EPM2A: variants seen among roughly 807,000 people sequenced by gnomAD.
The protein encoded by EPM2A is laforin.
Under a neutral mutation model 26.5 loss-of-function variants are expected in EPM2A, and 21 were observed. The observed-to-expected ratio is 0.79, with a 90% CI of 0.56 to 1.14. The LOEUF (loss-of-function observed/expected upper bound fraction) is 1.14, where lower values mean the gene tolerates loss of function less well. Among genes scored for constraint, EPM2A ranks in the 50% most tolerant of loss-of-function variants. The pLI is 0.00. For synonymous variants in EPM2A, 217 were observed against 177.6 expected (o/e 1.22, Z -1.76); for missense variants, 458 against 440.8 (o/e 1.04, Z -0.35).
intron 4 of EPM2A, among the ~76,000 whole-genome samples, chr6:145,427,224 C>T (rs78929111): frequency 6.6e-6 from 1 of 152,116 alleles, no homozygotes; most frequent in Admixed American, 6.5e-5. Flanking sequence ...TTTTACAAAA[C>T]CAATGACTGA....
intron 2 of EPM2A, among the ~76,000 whole-genome samples, chr6:145,647,688 GAAGGGA>G (rs1217478975): frequency 2.4e-4 from 36 of 152,012 alleles, no homozygotes; most frequent in Non-Finnish European, 4.0e-4. Flanking sequence ...AGGAAGGAAG[GAAGGGA>G]AAGGGAAAGG....
At chr6:145,603,161 T>C (rs959116402) in intron 2 of EPM2A, among the ~76,000 whole-genome samples, 2 of 152,178 alleles carry the variant, frequency 1.3e-5, no homozygotes, top group Non-Finnish European at 2.9e-5. Flanking sequence ...CAGCATCTGC[T>C]GAGGTCGCCC....
chr6:145,704,731 G>A (rs897155967), intron 1 of EPM2A, among the ~76,000 whole-genome samples: 4 of 152,124 alleles, frequency 2.6e-5, no homozygotes, highest in African/African-American at 9.7e-5. Flanking sequence ...ATAAAACTGA[G>A]ACTCAAAGAT....
intron 1 of EPM2A, among the ~76,000 whole-genome samples, chr6:145,717,225 A>C (rs1366647694): frequency 6.6e-6 from 1 of 152,256 alleles, no homozygotes; most frequent in Non-Finnish European, 1.5e-5. Flanking sequence ...TCAATAAAAT[A>C]CTGGCAAACC....
At chr6:145,675,999 G>T (rs894225948) in intron 2 of EPM2A, among the ~76,000 whole-genome samples, 1 of 150,272 alleles carries the variant, frequency 6.7e-6, no homozygotes, top group Non-Finnish European at 1.5e-5. Flanking sequence ...GCACCATATC[G>T]CACTTAAATT....
chr6:145,668,745 T>C (rs1779424230), intron 2 of EPM2A, among the ~76,000 whole-genome samples: 1 of 152,138 alleles, frequency 6.6e-6, no homozygotes, highest in Non-Finnish European at 1.5e-5. Flanking sequence ...GTGAGATGAC[T>C]TTTCCCTCAT....
chr6:145,546,699 A>G (rs1327572202), intron 2 of EPM2A, among the ~76,000 whole-genome samples: 1 of 152,210 alleles, frequency 6.6e-6, no homozygotes, highest in Non-Finnish European at 1.5e-5. Context: ...TTTTGTCATA[A>G]TAAACACTGA....
At chr6:145,450,116 G>T (rs558228410) in intron 4 of EPM2A, among the ~76,000 whole-genome samples, 2 of 152,064 alleles carry the variant, frequency 1.3e-5, no homozygotes, top group South Asian at 4.1e-4. Flanking sequence ...CACTTTGGGA[G>T]GCCGAGGTGG....
chr6:145,663,349 G>A (rs896760608), intron 2 of EPM2A, among the ~76,000 whole-genome samples: 16 of 152,342 alleles, frequency 1.1e-4, no homozygotes, highest in African/African-American at 1.7e-4. Context: ...CTGAGGTACC[G>A]GGTTCATCTC....
intron 2 of EPM2A, among the ~76,000 whole-genome samples, chr6:145,527,023 G>A (rs1780283935): frequency 6.6e-6 from 1 of 151,744 alleles, no homozygotes; most frequent in African/African-American, 2.4e-5. Flanking sequence ...TTTGATTTCT[G>A]CCTTAAATTC....
chr6:145,485,100 G>A (rs1779656493), intron 4 of EPM2A, among the ~76,000 whole-genome samples: 1 of 151,364 alleles, frequency 6.6e-6, no homozygotes, highest in South Asian at 2.1e-4. Flanking sequence ...CAAAACCAAT[G>A]AAACAGTGGG....
chr6:145,384,937 T>A lies in EPM2A; in HGVS notation c.556-840A>T, dbSNP rs1022916580. On this transcript the variant is annotated intron_variant, in intron 4 of 4. Coordinates refer to the EPM2A transcript ENST00000638717. ...CGACTAGGCATCTATGAGGTCTCCA[T>A]AAGAACATAAATCTTATCTGGAGAA... Among the ~76,000 whole-genome samples, 2 of 147,900 alleles carry A rather than the reference T, an allele frequency of 1.4e-5. 1 individual carries two copies. The highest frequency in any genetic ancestry group is 4.5e-4 in the South Asian group (2 of 4,420).
chr6:145,451,087 C>A (rs2114708696), intron 4 of EPM2A, among the ~76,000 whole-genome samples: 1 of 152,236 alleles, frequency 6.6e-6, no homozygotes, highest in East Asian at 1.9e-4. Context: ...TACTTGTTGT[C>A]AATGATACGG....
intron 2 of EPM2A, among the ~76,000 whole-genome samples, chr6:145,554,319 A>G (rs188668915): frequency 6.6e-6 from 1 of 152,160 alleles, no homozygotes; most frequent in Admixed American, 6.6e-5. Flanking sequence ...TCCTCAATGT[A>G]CCAGATACCT....
chr6:145,635,658 G>A, intron 2 of EPM2A, 172 bp from the exon 3 acceptor site: 1 of 639,038 alleles, frequency 1.6e-6, no homozygotes, highest in South Asian at 1.9e-5. Context: ...AAAAGTACTG[G>A]TGTTGCTGCT....
downstream of EPM2A, among the ~76,000 whole-genome samples, chr6:145,496,728 A>ATTTTTTTTTTTTTTT (rs1554244200): frequency 3.7e-3 from 394 of 106,804 alleles, 51 homozygotes; most frequent in Non-Finnish European, 5.1e-3. Context: ...AGTTCCTGCA[A>ATTTTTTTTTTTTTTT]TTTTTTTTTT....
chr6:145,631,959 T>C (rs1317498693), intron 3 of EPM2A: 1 of 151,874 alleles, frequency 6.6e-6, no homozygotes, highest in Admixed American at 6.6e-5. Context: ...GGGGGGCATA[T>C]TTTTTTCCAT....
At chr6:145,393,835 T>G (rs1778369902) in intron 4 of EPM2A, among the ~76,000 whole-genome samples, 1 of 132,944 alleles carries the variant, frequency 7.5e-6, no homozygotes, top group Non-Finnish European at 1.6e-5. Context: ...TTTTCTTTTT[T>G]TTTTTTGAGA....
At chr6:145,639,319 T>C (rs1776913607) in intron 2 of EPM2A, 1 of 152,188 alleles carries the variant, frequency 6.6e-6, no homozygotes, top group Admixed American at 6.5e-5. Flanking sequence ...CTCAGTCAGC[T>C]CAGGACAGAA....
Sources: gnomAD v4.1 joint callset for allele counts (sites outside exome capture counted in the v4.1 genomes callset) on GRCh38, gnomAD v4.1.1 for gene constraint, MANE v1.5 for transcripts, NCBI Gene and HGNC (gene_info 2026-07-23, HGNC 2026-07-21) for gene names.